The following ANO1 variants were observed in gnomAD, a reference collection of about 807,000 sequenced individuals.
ANO1 encodes the protein anoctamin-1.
A neutral mutation model predicts 124.0 loss-of-function variants in ANO1; 59 were observed. That is an observed-to-expected ratio of 0.48 (90% CI 0.39 to 0.59). The LOEUF (loss-of-function observed/expected upper bound fraction) is 0.59, where lower values mean the gene tolerates loss of function less well. Among genes scored for constraint, ANO1 ranks in the 20% least tolerant of loss-of-function variants. The pLI is 0.00. For synonymous variants in ANO1, 529 were observed against 532.0 expected, an observed-to-expected ratio of 0.99 and a Z score of 0.08; for missense variants, 1,059 against 1,328.0, an observed-to-expected ratio of 0.80 and a Z score of 3.15.
intron 1 of ANO1, among the ~76,000 whole-genome samples, chr11:70,012,219 AATCT>A (rs1251270416): frequency 3.6e-5 from 5 of 139,132 alleles, no homozygotes; most frequent in Non-Finnish European, 6.2e-5. Context: ...TCCATCCAGC[AATCT>A]ATCTATTCAT....
At chr11:70,091,834 C>T (rs1044351551) in intron 2 of ANO1, among the ~76,000 whole-genome samples, 2 of 152,244 alleles carry the variant, frequency 1.3e-5, no homozygotes, top group Non-Finnish European at 2.9e-5. Context: ...CGTGCCTCCT[C>T]ACTGAGTCGG....
At chr11:70,143,170 C>T (rs960280251) in intron 11 of ANO1, among the ~76,000 whole-genome samples, 6 of 152,124 alleles carry the variant, frequency 3.9e-5, no homozygotes, top group African/African-American at 1.4e-4. Flanking sequence ...GCTTGGAAGA[C>T]GCGACCCCTG....
chr11:70,120,342 C>T (rs1202976725), intron 8 of ANO1, among the ~76,000 whole-genome samples: 2 of 152,100 alleles, frequency 1.3e-5, no homozygotes, highest in African/African-American at 4.8e-5. Context: ...AGAACTGAAC[C>T]CCAGGTGAGC....
At chr11:70,070,427 A>G (rs1555009159) in intron 1 of ANO1, among the ~76,000 whole-genome samples, 1 of 152,210 alleles carries the variant, frequency 6.6e-6, no homozygotes, top group Non-Finnish European at 1.5e-5. Flanking sequence ...GGCTCACACT[A>G]ATCCCAGCAC....
chr11:70,015,117 T>G (rs1233768479), intron 1 of ANO1: 1 of 152,134 alleles, frequency 6.6e-6, no homozygotes, highest in East Asian at 1.9e-4. Flanking sequence ...GGCTCGTAAG[T>G]TTTTGTGCTA....
At chr11:70,116,774 G>C (rs2045992479) in intron 8 of ANO1, among the ~76,000 whole-genome samples, 2 of 152,148 alleles carry the variant, frequency 1.3e-5, no homozygotes, top group Admixed American at 1.3e-4. Context: ...TCCTCCCAGA[G>C]CCCACTCCTT....
intron 1 of ANO1, among the ~76,000 whole-genome samples, chr11:70,010,171 G>GCGTGTGTGTA (rs1697695225): frequency 8.0e-5 from 4 of 50,276 alleles, no homozygotes; most frequent in Non-Finnish European, 1.9e-4. Flanking sequence ...GTGTGCGCGT[G>GCGTGTGTGTA]TGTGTGTGTA....
At position 70,131,969 on chromosome 11, in the gene ANO1, A is replaced by T; in HGVS notation, c.1148A>T (p.Asp383Val). Reference sequence around the variant, plus strand: ...AATATCACCATGTGCCCGCTTTGCGACAAGACCTGCAGCTACTGGAAGATG... The same window carrying T: ...AATATCACCATGTGCCCGCTTTGCGTCAAGACCTGCAGCTACTGGAAGATG... ...RHNITMCPLC[D>V]KTCSYWKMSS... is the part of the protein sequence containing the mutation. Residue 383 changes from aspartate (D) to valine (V), a missense_variant, in exon 11 of 26, where the codon GAC (aspartate) becomes GTC (valine). Coordinates refer to ENST00000355303, the MANE Select transcript of ANO1 (RefSeq NM_018043.7). 6.2e-7 allele frequency: 1 copy of T among 1,610,470 alleles called. No homozygotes were observed. Among genetic ancestry groups the T allele is most frequent in the Non-Finnish European group, 8.5e-7 (1 of 1,179,738 alleles).
At chr11:70,073,040 C>G (rs1272852794) in intron 1 of ANO1, 2 of 152,266 alleles carry the variant, frequency 1.3e-5, no homozygotes, top group African/African-American at 4.8e-5. Context: ...AGCCGCCCGC[C>G]TCTGCGAGAT....
At chr11:70,129,440 C>G (rs993197944) in intron 10 of ANO1, 37 of 152,164 alleles carry the variant, frequency 2.4e-4, no homozygotes, top group African/African-American at 8.7e-4. Context: ...GATACAAACC[C>G]AGAGCTAGCT....
the ANO1 span, among the ~76,000 whole-genome samples, chr11:69,971,789 G>C: frequency 6.6e-6 from 1 of 152,056 alleles, no homozygotes; most frequent in African/African-American, 2.4e-5. Flanking sequence ...TGTCCTCCCC[G>C]TGTGTTTATG....
At chr11:70,165,354 C>CAG in intron 19 of ANO1, 116 bp from the exon 20 acceptor site, 11 of 810,540 alleles carry the variant, frequency 1.4e-5, no homozygotes, top group South Asian at 1.0e-4. Context: ...AGAACCTGAG[C>CAG]GTCTTTTTTT....
chr11:70,029,559 C>T (rs1555003583), intron 1 of ANO1, among the ~76,000 whole-genome samples: 2 of 152,360 alleles, frequency 1.3e-5, no homozygotes. Flanking sequence ...GTAGCCTGAT[C>T]AGGGTCAAAG....
intron 1 of ANO1, among the ~76,000 whole-genome samples, chr11:70,016,190 G>T (rs1856701220): frequency 6.6e-6 from 1 of 151,984 alleles, no homozygotes; most frequent in South Asian, 2.1e-4. Flanking sequence ...ACCACGCCCA[G>T]CTAATTTTTG....
At chr11:70,169,055 G>A (rs1206587919) in intron 21 of ANO1, among the ~76,000 whole-genome samples, 5 of 152,228 alleles carry the variant, frequency 3.3e-5, no homozygotes, top group South Asian at 2.1e-4. Flanking sequence ...CAGGAGGGAC[G>A]GGGTCTGGGA....
intron 7 of ANO1, among the ~76,000 whole-genome samples, chr11:70,114,695 T>C (rs1307306374): frequency 6.6e-6 from 1 of 152,060 alleles, no homozygotes. Context: ...GGTCAGGAGG[T>C]TGAAACCAGC....
intron 1 of ANO1, chr11:70,085,815 C>CCCCACTGCAGTGCTGACTGTTTGGGGAG: frequency 9.4e-7 from 1 of 1,066,542 alleles, no homozygotes; most frequent in Non-Finnish European, 1.3e-6. Context: ...CTCCACCCTC[C>CCCCACTGCAGTGCTGACTGTTTGGGGAG]GGCTTCCCTG....
chr11:70,183,998 C>T (rs1565288687), intron 24 of ANO1, among the ~76,000 whole-genome samples: 3 of 152,156 alleles, frequency 2.0e-5, no homozygotes, highest in Admixed American at 6.5e-5. Context: ...TCGGAGTGGG[C>T]GAGCACCAGG....
At chr11:69,995,533 C>T (rs1565156375) in intron 1 of ANO1, among the ~76,000 whole-genome samples, 1 of 152,168 alleles carries the variant, frequency 6.6e-6, no homozygotes, top group Non-Finnish European at 1.5e-5. Context: ...CTCCTCTTGG[C>T]CATGACAGTT....
Sources: gnomAD v4.1 joint callset for allele counts (sites outside exome capture counted in the v4.1 genomes callset) on GRCh38, gnomAD v4.1.1 for gene constraint, MANE v1.5 for transcripts, NCBI Gene and HGNC (gene_info 2026-07-23, HGNC 2026-07-21) for gene names.